The following RTTN variants were observed in gnomAD, a reference collection of about 807,000 sequenced individuals.
RTTN encodes rotatin.
In RTTN, 182 loss-of-function variants were observed where a neutral mutation model predicts 269.2. The observed-to-expected ratio is 0.68, with a 90% CI of 0.60 to 0.76. RTTN has a LOEUF of 0.76. RTTN is among the 30% of genes least tolerant of loss of function. The probability of loss-of-function intolerance (pLI) is 0.00; values close to 1 mark genes in which losing one functional copy is unlikely to be tolerated. For missense variants in RTTN, 2,545 were observed against 2,608.6 expected, an observed-to-expected ratio of 0.98 and a Z score of 0.53; for synonymous variants, 1,006 against 963.5, an observed-to-expected ratio of 1.04 and a Z score of -0.82.
chr18:70,180,888 T>C (rs1368729071), intron 10 of RTTN, among the ~76,000 whole-genome samples: 8 of 152,188 alleles, frequency 5.3e-5, no homozygotes. Flanking sequence ...CTATCACCCA[T>C]AGGCATAAAA....
chr18:70,159,194 C>T (rs1208922897), intron 14 of RTTN, among the ~76,000 whole-genome samples: 1 of 152,238 alleles, frequency 6.6e-6, no homozygotes, highest in East Asian at 1.9e-4. Context: ...AGCTGTAAAG[C>T]AATTCTCAAC....
rs939182693 is a variant in RTTN at position 70,059,778 on chromosome 18, A to G, written c.4940+72T>C. ...ATTTCCAGGTCACAAGAAATCTTGT[A>G]TCAAGTCATGAATACAGTTTGTGTA... is the stretch of plus-strand genomic sequence containing the variant. On this transcript the variant is annotated intron_variant, in intron 36 of 48. Transcript: ENST00000640769. 1.5e-5 allele frequency: 15 copies of G among 1,008,166 alleles called. No individual in the cohort carries two copies. The African/African-American group carries it at 2.3e-4, about 15-fold the overall frequency. 62.5% of individuals were successfully genotyped at this position (1,008,166 alleles called of 1,614,324 possible). A position where few individuals can be genotyped will look rare whatever the true frequency, so the allele number is the denominator to read the frequency against.
intron 19 of RTTN, among the ~76,000 whole-genome samples, chr18:70,140,484 AT>A (rs2060229259): frequency 6.6e-6 from 1 of 152,162 alleles, no homozygotes; most frequent in Non-Finnish European, 1.5e-5. Flanking sequence ...AAGTGTACAA[AT>A]GAATGCTTAT....
chr18:70,028,600 A>C, intron 43 of RTTN, 124 bp downstream of exon 43: 1 of 573,358 alleles, frequency 1.7e-6, no homozygotes, highest in Non-Finnish European at 3.1e-6. Flanking sequence ...AGGACCAATC[A>C]ACTGTGTGTC....
At chr18:70,070,984 TTTTCA>T (rs1376061203) in intron 34 of RTTN, among the ~76,000 whole-genome samples, 1 of 152,188 alleles carries the variant, frequency 6.6e-6, no homozygotes, top group African/African-American at 2.4e-5. Flanking sequence ...ACAAAACCAC[TTTTCA>T]TTTCATCTTT....
intron 16 of RTTN, among the ~76,000 whole-genome samples, chr18:70,149,690 A>G (rs1170335542): frequency 1.3e-5 from 2 of 152,090 alleles, no homozygotes; most frequent in Non-Finnish European, 2.9e-5. Context: ...GCCTTTATAT[A>G]AGGTTGAGTT....
intron 1 of RTTN, 87 bp downstream of exon 1, chr18:70,205,541 G>C: frequency 6.4e-7 from 1 of 1,558,746 alleles, no homozygotes; most frequent in Non-Finnish European, 8.8e-7. Context: ...TCGCGGAGCG[G>C]CCGGCCGCGG....
intron 15 of RTTN, 144 bp downstream of exon 15, chr18:70,150,464 A>G: frequency 1.4e-6 from 1 of 718,080 alleles, no homozygotes. Context: ...TTTTATTTAA[A>G]TAACACTTCA....
intron 32 of RTTN, among the ~76,000 whole-genome samples, chr18:70,078,601 A>T (rs76667418): frequency 0.06 from 9,145 of 152,030 alleles, 340 homozygotes; most frequent in Non-Finnish European, 0.086. Flanking sequence ...ATATACATGT[A>T]TACATACATA....
intron 23 of RTTN, among the ~76,000 whole-genome samples, chr18:70,132,493 T>C (rs924389384): frequency 6.6e-6 from 1 of 151,908 alleles, no homozygotes; most frequent in African/African-American, 2.4e-5. Flanking sequence ...ATAAAATAAC[T>C]AGAAAACCTA....
intron 28 of RTTN, among the ~76,000 whole-genome samples, chr18:70,103,480 CAT>C (rs2059233052): frequency 6.6e-6 from 1 of 152,112 alleles, no homozygotes; most frequent in Admixed American, 6.5e-5. Flanking sequence ...CTCTCTGAAA[CAT>C]GTGCTGTGTC....
intron 46 of RTTN, among the ~76,000 whole-genome samples, chr18:70,016,519 C>T (rs1429376371): frequency 6.6e-6 from 1 of 152,118 alleles, no homozygotes; most frequent in Non-Finnish European, 1.5e-5. Context: ...GGTCTGGAGC[C>T]CACCTTCTGT....
intron 18 of RTTN, among the ~76,000 whole-genome samples, chr18:70,144,622 A>T (rs1029012576): frequency 6.6e-6 from 1 of 152,188 alleles, no homozygotes; most frequent in Non-Finnish European, 1.5e-5. Flanking sequence ...TCCATACATC[A>T]GGGCACAGGA....
At chr18:70,056,104 T>C (rs1212291046) in intron 37 of RTTN, among the ~76,000 whole-genome samples, 1 of 152,260 alleles carries the variant, frequency 6.6e-6, no homozygotes, top group Non-Finnish European at 1.5e-5. Context: ...GTCTGTCTCC[T>C]GCATTTATGG....
intron 27 of RTTN, among the ~76,000 whole-genome samples, chr18:70,112,698 A>G (rs1400821084): frequency 6.6e-6 from 1 of 152,138 alleles, no homozygotes; most frequent in Non-Finnish European, 1.5e-5. Context: ...AGAGACTTAG[A>G]CTACCACACA....
chr18:70,135,657 C>G (rs1285162422), intron 21 of RTTN, among the ~76,000 whole-genome samples: 1 of 152,176 alleles, frequency 6.6e-6, no homozygotes, highest in Admixed American at 6.6e-5. Context: ...TCAGATAATT[C>G]TAGCTAAAGT....
At chr18:70,025,187 G>C (rs371293617) in intron 43 of RTTN, among the ~76,000 whole-genome samples, 3 of 152,202 alleles carry the variant, frequency 2.0e-5, no homozygotes, top group Non-Finnish European at 4.4e-5. Context: ...CAAGAAGTGA[G>C]AATTTCTGGT....
intron 46 of RTTN, among the ~76,000 whole-genome samples, chr18:70,011,340 A>G (rs1279079094): frequency 6.6e-6 from 1 of 152,332 alleles, no homozygotes; most frequent in East Asian, 1.9e-4. Flanking sequence ...AAAATCCTCA[A>G]TAAAATACTG....
intron 32 of RTTN, among the ~76,000 whole-genome samples, chr18:70,076,382 CAT>C (rs1337292196): frequency 1.3e-5 from 2 of 151,912 alleles, no homozygotes; most frequent in Admixed American, 1.3e-4. Flanking sequence ...ACGTTCAAAA[CAT>C]ATTGCAAGTT....
Sources: allele counts gnomAD v4.1 joint callset (sites outside exome capture counted in the v4.1 genomes callset), GRCh38; gene constraint gnomAD v4.1.1; transcripts MANE v1.5; gene names NCBI Gene and HGNC (gene_info 2026-07-23, HGNC 2026-07-21).